Variants in ASB14 observed in about 807,000 individuals in gnomAD.
ASB14 encodes the protein ankyrin repeat and SOCS box protein 14.
ASB14 carries 63 observed loss-of-function variants against 55.6 expected under a neutral mutation model. The ratio of observed to expected loss-of-function variants is 1.13; its 90% CI spans 0.92 to 1.40. The LOEUF (loss-of-function observed/expected upper bound fraction) is 1.40, where lower values mean the gene tolerates loss of function less well. Ranked by LOEUF, ASB14 falls within the 40% of genes most tolerant of loss-of-function variation. The probability of loss-of-function intolerance (pLI) is 0.00; values close to 1 mark genes in which losing one functional copy is unlikely to be tolerated. For synonymous variants in ASB14, 256 were observed against 259.9 expected (o/e 0.98, Z 0.15); for missense variants, 724 against 710.4 (o/e 1.02, Z -0.22).
Position 57,280,402 on chromosome 3 carries a change from C to G in ASB14, c.787G>C (p.Asp263His), listed in dbSNP as rs1403565098. The G allele has an allele frequency of 1.9e-6, 3 of 1,551,362 alleles. No individual in the cohort carries two copies. Among genetic ancestry groups the G allele is most frequent in the Non-Finnish European group, 2.6e-6 (3 of 1,146,790 alleles). ...LLEAASGGNPDAVALLLEYGA... is the reference protein window; with the variant it reads ...LLEAASGGNPHAVALLLEYGA... ...TACTCCAGCAAGAGAGCCACAGCAT[C>G]TGGATTTCCTCCACTTGCGGCTTCA... The change falls in exon 7 of 11, where the codon GAT becomes CAT. Residue 263 changes from aspartate (D) to histidine (H), a missense_variant. Asp to His is a moderately conservative substitution (Grantham distance 81, BLOSUM62 -1). Coordinates refer to ENST00000487349, the MANE Select transcript of ASB14 (RefSeq NM_001142733.3).
At chr3:57,289,185 T>C (rs2061108839) in intron 2 of ASB14, 62 bp from the exon 3 acceptor site, 3 of 1,161,718 alleles carry the variant, frequency 2.6e-6, no homozygotes, top group African/African-American at 1.5e-5. Flanking sequence ...TTATCTGATA[T>C]AAATCAAAAG....
Position 57,291,303 on chromosome 3 carries a change from AATG to A in ASB14, c.122+606_122+608del, listed in dbSNP as rs371989434. Among the ~76,000 whole-genome samples the A allele has an allele frequency of 2.1e-3, 324 of 152,254 alleles. 1 individual carries two copies. The highest frequency in any genetic ancestry group is 3.6e-3 in the Non-Finnish European group (248 of 68,020). ...TAAACTGGGTTATCACCCCTGAAAAAATGATGGTTACTGCCTCAGGAGACCAAG... is the reference window on the plus strand; with the variant it reads ...TAAACTGGGTTATCACCCCTGAAAAAATGGTTACTGCCTCAGGAGACCAAG... On this transcript the variant is annotated intron_variant, in intron 2 of 10. Coordinates refer to ENST00000487349, the MANE Select transcript of ASB14 (RefSeq NM_001142733.3).
chr3:57,287,141 C>T (rs772902017), intron 5 of ASB14, among the ~76,000 whole-genome samples: 11 of 152,060 alleles, frequency 7.2e-5, no homozygotes, highest in Non-Finnish European at 1.2e-4. Context: ...GAAGATTTTC[C>T]TCAGATAGCC....
rs1452372597 is a variant in ASB14, at chr3:57,268,361, A to G, written c.*1280T>C. On this transcript the variant is annotated 3_prime_UTR_variant, in exon 11 of 11. Coordinates refer to ENST00000487349, the MANE Select transcript of ASB14 (RefSeq NM_001142733.3). ...AATGTCTAAAATTTAAAGTTATTTCATATTTAATTCATTAGTTTTATTCAT... is the reference window on the plus strand; with the variant it reads ...AATGTCTAAAATTTAAAGTTATTTCGTATTTAATTCATTAGTTTTATTCAT... 2.0e-6 allele frequency: 3 copies of G among 1,484,058 alleles called. No individual in the cohort carries two copies. Among genetic ancestry groups the G allele is most frequent in the South Asian group, 1.2e-5 (1 of 80,374 alleles). The allele number at this position is 1,484,058 out of a possible 1,614,324, so 91.9% of individuals were successfully genotyped here.
rs2061013538 is a variant in ASB14, at chr3:57,278,882, G to T, written c.926C>A (p.Ala309Asp). 1.9e-6 allele frequency: 3 copies of T among 1,613,596 alleles called. No individual in the cohort carries two copies. Among genetic ancestry groups the T allele is most frequent in the East Asian group, 4.5e-5 (2 of 44,860 alleles). Residue 309 changes from alanine to aspartate, a missense_variant, in exon 8 of 11, where the codon GCC becomes GAC. Transcript: ENST00000487349. ...KILIPVTDLA[A>D]IKQSGISPVH... is the part of the protein sequence containing the mutation. ...TGGACTGATCCCACTCTGCTTAATG[G>T]CAGCAAGATCCGTAACTGGAATCAG...
At position 57,276,871 on chromosome 3, in the gene ASB14, T is replaced by A. The variant is rs967891445; in HGVS notation, c.1586-143A>T. 3 of 720,100 alleles carry A rather than the reference T, an allele frequency of 4.2e-6. No individual in the cohort carries two copies. The African/African-American group carries it at 5.4e-5, about 13-fold the overall frequency. The allele number at this position is 720,100 out of a possible 1,614,324, so 44.6% of individuals were successfully genotyped here. ...AATAGGGAAACAGTTTTTCAGTTCT[T>A]ATTGCAATCCTTGTTGTAGATATGG... On this transcript the variant is annotated intron_variant, in intron 9 of 10. Coordinates refer to ENST00000487349, the MANE Select transcript of ASB14 (RefSeq NM_001142733.3).
At chr3:57,289,539 G>A (rs2061111562) in intron 2 of ASB14, among the ~76,000 whole-genome samples, 1 of 152,060 alleles carries the variant, frequency 6.6e-6, no homozygotes, top group Non-Finnish European at 1.5e-5. Flanking sequence ...AATAAAAATG[G>A]TGTCAGTATT....
At chr3:57,270,832 A>T (rs1205275936) in intron 10 of ASB14, 2 of 152,174 alleles carry the variant, frequency 1.3e-5, no homozygotes, top group Non-Finnish European at 2.9e-5. Context: ...TTTGTGAAAG[A>T]TTGAAAATGA....
chr3:57,278,237 A>C, intron 8 of ASB14, 140 bp downstream of exon 8: 1 of 657,118 alleles, frequency 1.5e-6, no homozygotes, highest in Non-Finnish European at 2.5e-6. Context: ...ATTTTATCAT[A>C]ATTATTTTAT....
At chr3:57,284,287 T>A (rs2061063330) in intron 5 of ASB14, among the ~76,000 whole-genome samples, 1 of 152,104 alleles carries the variant, frequency 6.6e-6, no homozygotes, top group African/African-American at 2.4e-5. Flanking sequence ...CCACCATGCC[T>A]GGCTAATTTC....
At position 57,276,557 on chromosome 3, in the gene ASB14, G is replaced by T; in HGVS notation, c.1757C>A (p.Thr586Asn). Residue 586 changes from threonine to asparagine, a missense_variant, in exon 10 of 11, where the codon ACC becomes AAC. Thr to Asn is a moderately conservative substitution (Grantham distance 65, BLOSUM62 0). Coordinates refer to ENST00000487349, the MANE Select transcript of ASB14 (RefSeq NM_001142733.3). ...DLYGQGIFTG[T>N]W ...TCCATTAGAATGGTTTGATTACCAG[G>T]TTCCTGTAAAAATTCCTTGTCCATA... 1 of 1,606,522 alleles carries T rather than the reference G, an allele frequency of 6.2e-7. No individual in the cohort carries two copies. Among genetic ancestry groups the T allele is most frequent in the East Asian group, 2.2e-5 (1 of 44,786 alleles).
chr3:57,283,836 TAAAAA>T (rs35410055), intron 5 of ASB14, among the ~76,000 whole-genome samples: 1 of 148,948 alleles, frequency 6.7e-6, no homozygotes, highest in African/African-American at 2.5e-5. Flanking sequence ...TGCCAAAAAT[TAAAAA>T]AAAAACAAAA....
chr3:57,278,939 A>AG lies in ASB14; in HGVS notation c.888-20_888-19insC, dbSNP rs2061014125. ...TAGAGCTCTGAGAAAGAATTTCAAA[A>AG]TGCATTTCAACATTGTTTTTAAGAT... On this transcript the variant is annotated intron_variant, in intron 7 of 10. Transcript: ENST00000487349. 6.2e-7 allele frequency: 1 copy of AG among 1,602,848 alleles called. No homozygotes were observed. The highest frequency in any genetic ancestry group is 2.2e-5 in the East Asian group (1 of 44,568).
At chr3:57,291,840 G>C in intron 2 of ASB14, 72 bp downstream of exon 2, 1 of 1,347,552 alleles carries the variant, frequency 7.4e-7, no homozygotes, top group Non-Finnish European at 1.0e-6. Context: ...CAACACTAGA[G>C]TTAAGCTAAT....
rs2060909883 is a variant in ASB14 at position 57,268,425 on chromosome 3, GAAAT to G, written c.*1212_*1215del. On this transcript the variant is annotated 3_prime_UTR_variant, in exon 11 of 11. Coordinates refer to ENST00000487349, the MANE Select transcript of ASB14 (RefSeq NM_001142733.3). ...TCGTAGGGCATCAGAAAAACAAAAA[GAAAT>G]AGAGAGAGTAAAAGAGAAGCAACAG... 5 of 1,598,808 alleles carry G rather than the reference GAAAT, an allele frequency of 3.1e-6. No individual in the cohort carries two copies. In the African/African-American group the frequency reaches 4.0e-5, roughly 13 times the overall value.
chr3:57,287,425 C>T (rs949588363), intron 5 of ASB14, among the ~76,000 whole-genome samples: 2 of 152,132 alleles, frequency 1.3e-5, no homozygotes, highest in Non-Finnish European at 1.5e-5. Flanking sequence ...TTAATTCCTC[C>T]AGTGTTTTCA....
rs150180225 is a variant in ASB14, at chr3:57,290,007, C to G, written c.123-884G>C. 6.6e-4 allele frequency among the ~76,000 whole-genome samples: 100 copies of G among 152,236 alleles called. 2 individuals are homozygous for G. Among genetic ancestry groups the G allele is most frequent in the African/African-American group, 2.2e-3 (92 of 41,550 alleles). ...AGGAGAATAAATTCCCTCGGACACT[C>G]TGTCCTGTTTACAATTTGGTCAATT... On this transcript the variant is annotated intron_variant, in intron 2 of 10. Transcript: ENST00000487349.
chr3:57,279,475 C>T (rs548130103), intron 7 of ASB14, among the ~76,000 whole-genome samples: 4 of 151,460 alleles, frequency 2.6e-5, no homozygotes, highest in South Asian at 2.1e-4. Flanking sequence ...CCGAGGAGGG[C>T]GGATCACGAG....
intron 2 of ASB14, 80 bp downstream of exon 2, chr3:57,291,832 A>G: frequency 7.7e-7 from 1 of 1,293,140 alleles, no homozygotes; most frequent in Non-Finnish European, 1.0e-6. Context: ...TTTTGTCACA[A>G]CACTAGAGTT....
Sources: allele counts gnomAD v4.1 joint callset (sites outside exome capture counted in the v4.1 genomes callset), GRCh38; gene constraint gnomAD v4.1.1; transcripts MANE v1.5; gene names NCBI Gene and HGNC (gene_info 2026-07-23, HGNC 2026-07-21).